BCL7A: variants seen among roughly 807,000 people sequenced by gnomAD.
BCL7A encodes B-cell CLL/lymphoma 7 protein family member A.
BCL7A carries 11 observed loss-of-function variants against 28.4 expected under a neutral mutation model. That is an observed-to-expected ratio of 0.39 (90% confidence interval 0.24 to 0.64). BCL7A has a LOEUF of 0.64. BCL7A is among the 30% of genes least tolerant of loss of function. The pLI is 0.50. For synonymous variants in BCL7A, 123 were observed against 103.3 expected, an observed-to-expected ratio of 1.19 and a Z score of -1.15; for missense variants, 222 against 274.8, an observed-to-expected ratio of 0.81 and a Z score of 1.36.
chr12:122,052,870 G>T (rs1168266453), intron 4 of BCL7A, among the ~76,000 whole-genome samples: 3 of 5,430 alleles, frequency 5.5e-4, no homozygotes, highest in Non-Finnish European at 9.8e-4. Flanking sequence ...TTTTTAGTCG[G>T]GGGGGGGGGG....
At chr12:122,023,620 A>C (rs534657014) in intron 1 of BCL7A, among the ~76,000 whole-genome samples, 1 of 152,226 alleles carries the variant, frequency 6.6e-6, no homozygotes, top group African/African-American at 2.4e-5. Flanking sequence ...GGGACAAAGA[A>C]TTTTCAGAAC....
At chr12:122,036,111 G>T (rs1168626283) in intron 3 of BCL7A, among the ~76,000 whole-genome samples, 1 of 152,144 alleles carries the variant, frequency 6.6e-6, no homozygotes, top group Non-Finnish European at 1.5e-5. Flanking sequence ...AAAGTGCTGG[G>T]ATTACAGGCA....
chr12:122,025,151 T>C (rs2135837239), intron 1 of BCL7A, among the ~76,000 whole-genome samples: 1 of 151,974 alleles, frequency 6.6e-6, no homozygotes, highest in Non-Finnish European at 1.5e-5. Context: ...CCTGTGCTGG[T>C]GGAGGAGAGA....
At chr12:122,034,771 A>G (rs920283202) in intron 2 of BCL7A, among the ~76,000 whole-genome samples, 1 of 150,486 alleles carries the variant, frequency 6.6e-6, no homozygotes, top group Non-Finnish European at 1.5e-5. Context: ...AAGGAATGGC[A>G]CGAAAAGCAT....
chr12:122,047,821 C>T (rs917928837), intron 4 of BCL7A, among the ~76,000 whole-genome samples: 10 of 151,456 alleles, frequency 6.6e-5, no homozygotes, highest in Middle Eastern at 3.5e-3. Context: ...CCACCACACC[C>T]AGCCAAGATG....
At chr12:122,052,193 T>TA (rs1425084950) in intron 4 of BCL7A, among the ~76,000 whole-genome samples, 5 of 151,742 alleles carry the variant, frequency 3.3e-5, no homozygotes, top group Admixed American at 3.3e-4. Flanking sequence ...CCCCTCTCTT[T>TA]TAAAAAAAAA....
intron 1 of BCL7A, among the ~76,000 whole-genome samples, chr12:122,023,475 G>C (rs561178753): frequency 1.3e-5 from 2 of 152,308 alleles, no homozygotes; most frequent in Admixed American, 6.5e-5. Context: ...TCACAAGTTA[G>C]CTGTCCTTTC....
chr12:122,024,161 C>G (rs2135835734), intron 1 of BCL7A, among the ~76,000 whole-genome samples: 1 of 152,318 alleles, frequency 6.6e-6, no homozygotes, highest in African/African-American at 2.4e-5. Flanking sequence ...GGGGCTGTAC[C>G]TCTGCGCCTC....
intron 4 of BCL7A, among the ~76,000 whole-genome samples, chr12:122,046,212 G>A (rs778439201): frequency 6.6e-6 from 1 of 152,114 alleles, no homozygotes; most frequent in South Asian, 2.1e-4. Flanking sequence ...ACATAGGGGT[G>A]AGTGCGGACC....
chr12:122,055,113 C>T (rs1322012208), intron 5 of BCL7A, 187 bp downstream of exon 5: 26 of 1,234,258 alleles, frequency 2.1e-5, no homozygotes, highest in Admixed American at 7.4e-5. Context: ...GCTCTGGGGC[C>T]GAGGGATAAT....
In BCL7A at chr12:122,021,955, T is replaced by TGA. The variant is rs562398088; in HGVS notation, c.-136_-135insAG. ...ATGTGTGTGTGTGTGTGTGTGTGTG[T>TGA]GTGAGTGTGTGCGTGTGAGAGTGCG... is the stretch of plus-strand genomic sequence containing the variant. On this transcript the variant is annotated 5_prime_UTR_variant, in exon 1 of 6. It removes the in-frame stop codon of an upstream open reading frame in the 5' UTR. Transcript: ENST00000261822. 3.5e-5 allele frequency: 21 copies of TGA among 592,766 alleles called. No homozygotes were observed. The East Asian group carries it at 3.8e-4, about 11-fold the overall frequency. The allele number at this position is 592,766 out of a possible 1,614,324, so 36.7% of individuals were successfully genotyped here.
intron 3 of BCL7A, among the ~76,000 whole-genome samples, chr12:122,035,779 G>A (rs541336773): frequency 1.3e-5 from 2 of 152,146 alleles, no homozygotes; most frequent in Non-Finnish European, 2.9e-5. Flanking sequence ...TATATAAATG[G>A]CTGTGTTTCC....
intron 2 of BCL7A, among the ~76,000 whole-genome samples, chr12:122,033,515 T>C (rs1883785173): frequency 6.6e-6 from 1 of 152,148 alleles, no homozygotes; most frequent in African/African-American, 2.4e-5. Context: ...GGTTTCACCA[T>C]GTTAGCCAGG....
At chr12:122,052,970 G>A (rs1033827793) in intron 4 of BCL7A, among the ~76,000 whole-genome samples, 25 of 148,794 alleles carry the variant, frequency 1.7e-4, no homozygotes, top group South Asian at 4.3e-4. Flanking sequence ...GATTACAGGC[G>A]TGAGCCACCG....
chr12:122,048,203 TG>T (rs958139256), intron 4 of BCL7A, among the ~76,000 whole-genome samples: 9 of 145,238 alleles, frequency 6.2e-5, no homozygotes, highest in African/African-American at 2.3e-4. Context: ...GCGCCTAGGC[TG>T]AGAAAGCTAT....
chr12:122,035,252 C>A, intron 2 of BCL7A, 79 bp from the exon 3 acceptor site: 1 of 1,328,842 alleles, frequency 7.5e-7, no homozygotes, highest in Non-Finnish European at 1.1e-6. Context: ...AATATTCACA[C>A]CACTCCCCAG....
At chr12:122,058,127 G>A (rs1468998877) in intron 5 of BCL7A, among the ~76,000 whole-genome samples, 2 of 152,104 alleles carry the variant, frequency 1.3e-5, no homozygotes, top group Admixed American at 6.6e-5. Context: ...AGACCAGGAA[G>A]TCGAGGCTGC....
Position 122,060,782 on chromosome 12 carries a change from G to A in BCL7A, c.*1619G>A, listed in dbSNP as rs1951914796. On this transcript the variant is annotated 3_prime_UTR_variant, in exon 6 of 6. Coordinates refer to ENST00000261822, the MANE Select transcript of BCL7A (RefSeq NM_001024808.3). Reference sequence around the variant, plus strand: ...CCATTTTCTAAGAGTTTCTGAGGGTGAGGCTCTTATTTTTTTTTTTAAGGG... The same window carrying A: ...CCATTTTCTAAGAGTTTCTGAGGGTAAGGCTCTTATTTTTTTTTTTAAGGG... 1 of 229,222 alleles carries A rather than the reference G, an allele frequency of 4.4e-6. No individual in the cohort carries two copies. The highest frequency in any genetic ancestry group is 2.3e-5 in the African/African-American group (1 of 44,242). The allele number at this position is 229,222 out of a possible 1,614,324, so 14.2% of individuals were successfully genotyped here.
chr12:122,034,425 TAAAAAAAAA>T (rs35998182), intron 2 of BCL7A, among the ~76,000 whole-genome samples: 3 of 118,416 alleles, frequency 2.5e-5, no homozygotes, highest in Non-Finnish European at 5.1e-5. Flanking sequence ...ATTCCTTTCG[TAAAAAAAAA>T]AAAAAAAAAA....
Sources: allele counts gnomAD v4.1 joint callset (sites outside exome capture counted in the v4.1 genomes callset), GRCh38; gene constraint gnomAD v4.1.1; transcripts MANE v1.5; gene names NCBI Gene and HGNC (gene_info 2026-07-23, HGNC 2026-07-21).